Variants in METTL15 observed in about 807,000 individuals in gnomAD.
METTL15 encodes the protein 12S rRNA N(4)-cytidine methyltransferase METTL15.
METTL15 carries 34 observed loss-of-function variants against 38.3 expected under a neutral mutation model. The ratio of observed to expected loss-of-function variants is 0.89; its 90% CI spans 0.68 to 1.18. The LOEUF is 1.18. Ranked by LOEUF, METTL15 falls within the 50% of genes most tolerant of loss-of-function variation. The pLI, the probability that METTL15 is intolerant of heterozygous loss-of-function variation, is 0.00. For synonymous variants in METTL15, 162 were observed against 170.9 expected (o/e 0.95, Z 0.41); for missense variants, 438 against 498.4 (o/e 0.88, Z 1.15).
chr11:28,126,166 C>T (rs886383639), intron 3 of METTL15, among the ~76,000 whole-genome samples: 1 of 152,138 alleles, frequency 6.6e-6, no homozygotes, highest in South Asian at 2.1e-4. Context: ...CTGACTCTCT[C>T]ACTCTGGTTG....
At chr11:28,164,128 A>G (rs1329689680) in intron 3 of METTL15, 3 of 152,122 alleles carry the variant, frequency 2.0e-5, no homozygotes, top group Admixed American at 6.6e-5. Context: ...TAAAATCACT[A>G]TATCTCTTTG....
chr11:28,175,829 G>A (rs1044094611), intron 3 of METTL15, among the ~76,000 whole-genome samples: 1 of 151,940 alleles, frequency 6.6e-6, no homozygotes, highest in African/African-American at 2.4e-5. Flanking sequence ...CTGTAATTCT[G>A]CTCTGCTCTT....
intron 5 of METTL15, among the ~76,000 whole-genome samples, chr11:28,409,506 T>C (rs1161212413): frequency 2.0e-5 from 3 of 151,476 alleles, no homozygotes; most frequent in Non-Finnish European, 4.4e-5. Context: ...ATGTGGAAAT[T>C]AAGCAACATG....
intron 5 of METTL15, among the ~76,000 whole-genome samples, chr11:28,407,395 A>C (rs995808251): frequency 5.9e-5 from 9 of 152,178 alleles, no homozygotes; most frequent in Admixed American, 2.0e-4. Flanking sequence ...ATGGGAGAAA[A>C]TTTTTGCAAT....
intron 6 of METTL15, among the ~76,000 whole-genome samples, chr11:28,479,897 A>T (rs548654663): frequency 4.6e-5 from 7 of 152,234 alleles, no homozygotes; most frequent in Non-Finnish European, 7.3e-5. Context: ...GACTAAATCT[A>T]ACAAAGTGCT....
chr11:28,263,164 T>C (rs1418122054), intron 4 of METTL15, among the ~76,000 whole-genome samples: 3 of 152,064 alleles, frequency 2.0e-5, no homozygotes, highest in Admixed American at 2.0e-4. Flanking sequence ...ATGGTGACAT[T>C]CTGTCTTCCT....
intron 4 of METTL15, among the ~76,000 whole-genome samples, chr11:28,267,333 C>T (rs920886321): frequency 1.3e-4 from 20 of 152,072 alleles, no homozygotes; most frequent in African/African-American, 4.8e-4. Flanking sequence ...AGTGCATTAG[C>T]TGTTTTTCTC....
intron 5 of METTL15, among the ~76,000 whole-genome samples, chr11:28,384,374 T>G (rs544807916): frequency 4.7e-4 from 71 of 152,106 alleles, no homozygotes; most frequent in Non-Finnish European, 8.4e-4. Flanking sequence ...AGTGGCATGA[T>G]GTTGGCTCAC....
downstream of METTL15, among the ~76,000 whole-genome samples, chr11:28,531,876 A>G (rs1369109266): frequency 6.6e-6 from 1 of 152,066 alleles, no homozygotes; most frequent in Non-Finnish European, 1.5e-5. Flanking sequence ...AATTTACATC[A>G]AGAGCAATCT....
chr11:28,251,295 A>C (rs1339144507), intron 4 of METTL15, among the ~76,000 whole-genome samples: 3 of 151,964 alleles, frequency 2.0e-5, no homozygotes, highest in African/African-American at 7.2e-5. Flanking sequence ...GAAACATGCT[A>C]TTTTGACTAG....
At chr11:28,421,978 A>G (rs1003434690) in intron 5 of METTL15, among the ~76,000 whole-genome samples, 1 of 152,070 alleles carries the variant, frequency 6.6e-6, no homozygotes, top group Non-Finnish European at 1.5e-5. Flanking sequence ...ACTAATAAAC[A>G]CATTCAGTAA....
At chr11:28,248,684 C>T (rs1854613109) in intron 4 of METTL15, among the ~76,000 whole-genome samples, 1 of 151,468 alleles carries the variant, frequency 6.6e-6, no homozygotes, top group African/African-American at 2.4e-5. Flanking sequence ...AGAGAAAGTC[C>T]CTATTTACTT....
intron 5 of METTL15, among the ~76,000 whole-genome samples, chr11:28,421,628 A>T (rs1414479220): frequency 6.6e-6 from 1 of 152,044 alleles, no homozygotes; most frequent in African/African-American, 2.4e-5. Flanking sequence ...ATTTCAATTG[A>T]TGTGAAAAAG....
At chr11:28,492,285 AG>A (rs1475772088) in intron 6 of METTL15, among the ~76,000 whole-genome samples, 1 of 152,072 alleles carries the variant, frequency 6.6e-6, no homozygotes, top group Non-Finnish European at 1.5e-5. Flanking sequence ...TGCCCCATGG[AG>A]GGTCTGGGAT....
intron 6 of METTL15, among the ~76,000 whole-genome samples, chr11:28,481,516 A>G (rs1433723594): frequency 2.0e-5 from 3 of 152,160 alleles, no homozygotes; most frequent in African/African-American, 4.8e-5. Context: ...TTCAGTCTCC[A>G]TCTCTGGGTT....
At chr11:28,205,156 G>A (rs1018652980) in intron 3 of METTL15, among the ~76,000 whole-genome samples, 1 of 151,714 alleles carries the variant, frequency 6.6e-6, no homozygotes, top group Non-Finnish European at 1.5e-5. Context: ...TGCACAATGT[G>A]CAGGTTAGTT....
chr11:28,328,462 G>A (rs921205737), intron 6 of METTL15, among the ~76,000 whole-genome samples: 1 of 151,944 alleles, frequency 6.6e-6, no homozygotes, highest in South Asian at 2.1e-4. Context: ...GTGAACTAAG[G>A]TGCCAGCCTT....
intron 6 of METTL15, among the ~76,000 whole-genome samples, chr11:28,436,194 A>G (rs555371119): frequency 3.5e-4 from 54 of 152,186 alleles, no homozygotes; most frequent in Non-Finnish European, 7.1e-4. Context: ...ATGGATCGCC[A>G]TTTCTCCAGT....
chr11:28,392,485 A>G (rs1458244725), intron 5 of METTL15, among the ~76,000 whole-genome samples: 1 of 152,148 alleles, frequency 6.6e-6, no homozygotes, highest in Non-Finnish European at 1.5e-5. Context: ...TATAATGTGG[A>G]AAAGATAGTC....
Sources: allele counts gnomAD v4.1 joint callset (sites outside exome capture counted in the v4.1 genomes callset), GRCh38; gene constraint gnomAD v4.1.1; transcripts MANE v1.5; gene names NCBI Gene and HGNC (gene_info 2026-07-23, HGNC 2026-07-21).